CCDC148: variants seen among roughly 807,000 people sequenced by gnomAD.
The protein encoded by CCDC148 is coiled-coil domain-containing protein 148.
Under a neutral mutation model 85.7 loss-of-function variants are expected in CCDC148, and 89 were observed. The ratio of observed to expected loss-of-function variants is 1.04; its 90% CI spans 0.87 to 1.24. The LOEUF is 1.24. Among genes scored for constraint, CCDC148 ranks in the 50% most tolerant of loss-of-function variants. The pLI, the probability that CCDC148 is intolerant of heterozygous loss-of-function variation, is 0.00. For missense variants in CCDC148, 692 were observed against 671.7 expected (o/e 1.03, Z -0.33); for synonymous variants, 230 against 213.9 (o/e 1.08, Z -0.66).
chr2:158,453,512 T>C (rs1266453194), intron 1 of CCDC148, among the ~76,000 whole-genome samples: 3 of 152,120 alleles, frequency 2.0e-5, no homozygotes, highest in Non-Finnish European at 2.9e-5. Context: ...CCCACCTCTG[T>C]TTTAACATTC....
intron 10 of CCDC148, among the ~76,000 whole-genome samples, chr2:158,240,450 T>TCA (rs1284517602): frequency 0.016 from 1,492 of 92,502 alleles, 25 homozygotes; most frequent in African/African-American, 0.047. Context: ...TCTCTCTCTC[T>TCA]CTCACACACA....
chr2:158,213,856 T>C (rs533290744), intron 11 of CCDC148, among the ~76,000 whole-genome samples: 2 of 152,232 alleles, frequency 1.3e-5, no homozygotes, highest in South Asian at 2.1e-4. Flanking sequence ...TAGAGAACTC[T>C]ACACTGCAGT....
intron 10 of CCDC148, among the ~76,000 whole-genome samples, chr2:158,240,296 G>C (rs72995411): frequency 0.051 from 7,800 of 152,034 alleles, 656 homozygotes; most frequent in African/African-American, 0.17. Flanking sequence ...TCATCTGAAT[G>C]ACACTGTACT....
chr2:158,433,091 A>AAAAT (rs1553521585), intron 1 of CCDC148, among the ~76,000 whole-genome samples: 2 of 51,316 alleles, frequency 3.9e-5, no homozygotes, highest in Admixed American at 3.2e-4. Flanking sequence ...AAAAAAAAAA[A>AAAAT]ATATATATAT....
At chr2:158,233,338 G>A (rs1687944609) in intron 10 of CCDC148, among the ~76,000 whole-genome samples, 2 of 151,046 alleles carry the variant, frequency 1.3e-5, no homozygotes, top group African/African-American at 2.5e-5. Flanking sequence ...GATGGTTCCT[G>A]TACCCCCTAA....
chr2:158,291,065 T>C (rs13028259), intron 9 of CCDC148, among the ~76,000 whole-genome samples: 53,338 of 151,538 alleles, frequency 0.35, 11,235 homozygotes, highest in South Asian at 0.61. Context: ...CCTCTCTCCA[T>C]AAAATCCATC....
In CCDC148 at chr2:158,365,685, T is replaced by C. The variant is rs184684104; in HGVS notation, c.26-7115A>G. ...GTGGAGGGCTAGGGAAGGGATAGCA[T>C]TAGGAGAAATACCTAATGTAGATGA... On this transcript the variant is annotated intron_variant, in intron 1 of 13. Coordinates refer to ENST00000283233, the MANE Select transcript of CCDC148 (RefSeq NM_138803.4). 2.7e-3 allele frequency among the ~76,000 whole-genome samples: 418 copies of C among 152,178 alleles called. 4 individuals are homozygous for C. The highest frequency in any genetic ancestry group is 9.7e-3 in the African/African-American group (403 of 41,502).
intron 11 of CCDC148, among the ~76,000 whole-genome samples, chr2:158,194,289 C>G (rs891681950): frequency 1.3e-5 from 2 of 151,886 alleles, no homozygotes; most frequent in Non-Finnish European, 1.5e-5. Flanking sequence ...AAGACAAAAC[C>G]AAGTAAAAGG....
chr2:158,353,693 C>T (rs1220276616), intron 2 of CCDC148, among the ~76,000 whole-genome samples: 4 of 152,016 alleles, frequency 2.6e-5, no homozygotes, highest in African/African-American at 4.8e-5. Context: ...ACAAGGACAC[C>T]CAGGAATTGA....
rs535731584 is a variant in CCDC148 at position 158,283,151 on chromosome 2, C to T, written c.1110+26282G>A. 2.0e-3 allele frequency among the ~76,000 whole-genome samples: 307 copies of T among 152,246 alleles called. 2 individuals carry two copies. The highest frequency in any genetic ancestry group is 6.7e-3 in the African/African-American group (278 of 41,548). On this transcript the variant is annotated intron_variant, in intron 9 of 13. Coordinates refer to ENST00000283233, the MANE Select transcript of CCDC148 (RefSeq NM_138803.4). Reference sequence around the variant, plus strand: ...ATTCAAGATGGATTAAAGACTTAAACGTTAGACCTAAAACCATAAAAACCC... The same window carrying T: ...ATTCAAGATGGATTAAAGACTTAAATGTTAGACCTAAAACCATAAAAACCC...
chr2:158,284,962 T>C (rs1690544345), intron 9 of CCDC148, among the ~76,000 whole-genome samples: 1 of 152,092 alleles, frequency 6.6e-6, no homozygotes, highest in Non-Finnish European at 1.5e-5. Flanking sequence ...TAAGCAAATA[T>C]CAATTCCAAA....
chr2:158,409,463 C>T (rs191603113), intron 1 of CCDC148, among the ~76,000 whole-genome samples: 83 of 152,320 alleles, frequency 5.4e-4, no homozygotes, highest in African/African-American at 1.9e-3. Context: ...ATTTGACTGC[C>T]CCGCTGGATT....
chr2:158,223,990 G>C (rs989492330), intron 10 of CCDC148, among the ~76,000 whole-genome samples: 1 of 152,218 alleles, frequency 6.6e-6, no homozygotes, highest in Non-Finnish European at 1.5e-5. Flanking sequence ...GACGAGTTGA[G>C]AGAAGAAGGC....
chr2:158,366,063 C>T, intron 1 of CCDC148: 1 of 1,539,154 alleles, frequency 6.5e-7, no homozygotes, highest in Non-Finnish European at 8.8e-7. Context: ...CTCTTTGATT[C>T]ATGTTTTCCG....
chr2:158,425,270 G>T (rs929707131), intron 1 of CCDC148: 17 of 537,270 alleles, frequency 3.2e-5, no homozygotes, highest in Admixed American at 1.9e-4. Context: ...CATCTCCAGG[G>T]GGTCGCAATC....
At chr2:158,423,344 C>T (rs1686900824) in intron 1 of CCDC148, among the ~76,000 whole-genome samples, 1 of 152,174 alleles carries the variant, frequency 6.6e-6, no homozygotes, top group African/African-American at 2.4e-5. Flanking sequence ...TACAAGGCTA[C>T]AGTAACCAAA....
chr2:158,358,415 A>T, intron 2 of CCDC148, 34 bp downstream of exon 2: 1 of 1,582,252 alleles, frequency 6.3e-7, no homozygotes, highest in Non-Finnish European at 8.5e-7. Context: ...GATTTTCTAA[A>T]ACTAGAAAAA....
chr2:158,397,811 C>T (rs1337298730), intron 1 of CCDC148, among the ~76,000 whole-genome samples: 1 of 151,978 alleles, frequency 6.6e-6, no homozygotes, highest in Admixed American at 6.6e-5. Flanking sequence ...GGCTAGGTGC[C>T]CCCAATTAAG....
intron 10 of CCDC148, among the ~76,000 whole-genome samples, chr2:158,228,210 C>T (rs1175585098): frequency 6.6e-6 from 1 of 152,180 alleles, no homozygotes; most frequent in Non-Finnish European, 1.5e-5. Flanking sequence ...GGAAAAAATG[C>T]TCATCATCAC....
Sources: allele counts gnomAD v4.1 joint callset (sites outside exome capture counted in the v4.1 genomes callset), GRCh38; gene constraint gnomAD v4.1.1; transcripts MANE v1.5; gene names NCBI Gene and HGNC (gene_info 2026-07-23, HGNC 2026-07-21).